The following NIT1 variants were observed in gnomAD, a reference collection of about 807,000 sequenced individuals.
NIT1 encodes nitrilase 1, also known as deaminated glutathione amidase.
In NIT1, 30 loss-of-function variants were observed where a neutral mutation model predicts 36.8. The ratio of observed to expected loss-of-function variants is 0.82; its 90% CI spans 0.61 to 1.11. The LOEUF is 1.11. Ranked by LOEUF, NIT1 falls within the 50% of genes least tolerant of loss-of-function variation. The pLI is 0.00. For synonymous variants in NIT1, 151 were observed against 155.6 expected, an observed-to-expected ratio of 0.97 and a Z score of 0.22; for missense variants, 438 against 410.6, an observed-to-expected ratio of 1.07 and a Z score of -0.58.
downstream of NIT1, chr1:161,121,920 C>A (rs1655537035): frequency 5.6e-6 from 3 of 540,340 alleles, no homozygotes; most frequent in Non-Finnish European, 9.7e-6. Flanking sequence ...GCTGTAGAGA[C>A]ACATTACGGG....
rs41270017 is a variant in NIT1, at chr1:161,118,793, T to A, written c.10T>A (p.Phe4Ile). Residue 4 changes from phenylalanine to isoleucine, a missense_variant, in exon 2 of 7, where the codon TTC becomes ATC. Physicochemically the swap from Phe to Ile is conservative, Grantham distance 21. Transcript: ENST00000368009. MLG[F>I]ITRPPHRFLS... is the part of the protein sequence containing the mutation. Reference sequence around the variant, plus strand: ...ATATCTCACCTTCCTCAGGCTGGGCTTCATCACCAGGCCTCCTCACAGATT... The same window carrying A: ...ATATCTCACCTTCCTCAGGCTGGGCATCATCACCAGGCCTCCTCACAGATT... 1.2e-6 allele frequency: 2 copies of A among 1,612,806 alleles called. No individual in the cohort carries two copies. Among genetic ancestry groups the A allele is most frequent in the Non-Finnish European group, 1.7e-6 (2 of 1,178,890 alleles).
downstream of NIT1, chr1:161,123,719 T>TA: frequency 1.2e-6 from 1 of 857,682 alleles, no homozygotes; most frequent in Non-Finnish European, 1.8e-6. Context: ...TTTTTTTTTT[T>TA]ATGGGGCAAG....
chr1:161,124,510 C>T, downstream of NIT1: 1 of 1,563,180 alleles, frequency 6.4e-7, no homozygotes, highest in Middle Eastern at 1.9e-4. Flanking sequence ...TGCTCAGCAG[C>T]TGCAATCCCC....
At chr1:161,121,448 T>C (rs1031152074), downstream of NIT1, 12 of 154,606 alleles carry the variant, frequency 7.8e-5, no homozygotes, top group South Asian at 2.0e-4. Context: ...ACCCTGTGTA[T>C]GTGTGTACAC....
rs1655428065 is a variant in NIT1, at chr1:161,120,986, G to A, written c.*221G>A. 7.1e-7 allele frequency: 1 copy of A among 1,406,856 alleles called. No individual in the cohort carries two copies. Among genetic ancestry groups the A allele is most frequent in the Non-Finnish European group, 9.2e-7 (1 of 1,083,702 alleles). 87.1% of individuals were successfully genotyped at this position (1,406,856 alleles called of 1,614,324 possible). A position where few individuals can be genotyped will look rare whatever the true frequency, so the allele number is the denominator to read the frequency against. ...TTTCAGAAAGGTGGAATTTTATATA[G>A]TCATTGTTTATTTCATGGAAACTGA... On this transcript the variant is annotated 3_prime_UTR_variant, in exon 7 of 7. Coordinates refer to ENST00000368009, the MANE Select transcript of NIT1 (RefSeq NM_005600.3).
downstream of NIT1, chr1:161,123,906 T>G (rs753218307): frequency 1.2e-6 from 2 of 1,613,942 alleles, no homozygotes; most frequent in Admixed American, 1.7e-5. Flanking sequence ...CATAGCGAAT[T>G]GATGTCTCCT....
In NIT1 at chr1:161,118,768, A is replaced by T; in HGVS notation, c.3-18A>T. On this transcript the variant is annotated intron_variant, in intron 1 of 6. Coordinates refer to ENST00000368009, the MANE Select transcript of NIT1 (RefSeq NM_005600.3). The stretch of plus-strand genomic sequence containing the variant: ...GCTTGAAGAAGGGGTTGGTGTCCTC[A>T]TATCTCACCTTCCTCAGGCTGGGCT... 1.3e-6 allele frequency: 2 copies of T among 1,589,178 alleles called. No individual in the cohort carries two copies. Among genetic ancestry groups the T allele is most frequent in the Non-Finnish European group, 1.7e-6 (2 of 1,157,398 alleles).
At chr1:161,124,369 T>C (rs1176405724), downstream of NIT1, 4 of 1,614,044 alleles carry the variant, frequency 2.5e-6, no homozygotes, top group Non-Finnish European at 2.5e-6. Flanking sequence ...GTGCCCACGA[T>C]GTCAAACATG....
At chr1:161,119,431 C>T (rs762138337) in intron 3 of NIT1, 43 bp downstream of exon 3, 10 of 1,613,212 alleles carry the variant, frequency 6.2e-6, no homozygotes, top group South Asian at 5.5e-5. Flanking sequence ...CTTTGTTGGA[C>T]AGTGTCCCTG....
At chr1:161,123,045 T>G (rs1363157086), downstream of NIT1, 1 of 1,614,224 alleles carries the variant, frequency 6.2e-7, no homozygotes, top group East Asian at 2.2e-5. Context: ...TCAAGTCTGC[T>G]CCATCTCTGG....
Position 161,118,880 on chromosome 1 carries a change from A to G in NIT1, c.97A>G (p.Arg33Gly). ...ACTCTCAGTACTTTGTGCTCAGCCCAGGTAACACGTTTTGTTGTGTCCTCA... is the reference window on the plus strand; with the variant it reads ...ACTCTCAGTACTTTGTGCTCAGCCCGGGTAACACGTTTTGTTGTGTCCTCA... The part of the protein sequence containing the change: ...PQLSVLCAQP[R>G]PRAMAISSSS... The change falls in exon 2 of 7, where the codon AGG (arginine) becomes GGG (glycine). Residue 33 changes from arginine (R) to glycine (G), a missense_variant and splice_region_variant. Coordinates refer to ENST00000368009, the MANE Select transcript of NIT1 (RefSeq NM_005600.3). The G allele has an allele frequency of 2.5e-6, 4 of 1,611,458 alleles. No homozygotes were observed. Among genetic ancestry groups the G allele is most frequent in the African/African-American group, 1.3e-5 (1 of 74,978 alleles).
chr1:161,122,599 A>G (rs575984295), downstream of NIT1: 32 of 1,530,554 alleles, frequency 2.1e-5, no homozygotes, highest in Non-Finnish European at 2.6e-5. The surrounding 1 kb of genome is among the most constrained non-coding windows in gnomAD (Gnocchi z 4.2). Flanking sequence ...TGAAAACTGA[A>G]AAGCACAACA....
At chr1:161,122,523 T>G, downstream of NIT1, 1 of 1,612,850 alleles carries the variant, frequency 6.2e-7, no homozygotes, top group Non-Finnish European at 8.5e-7. The surrounding 1 kb of genome is among the most constrained non-coding windows in gnomAD (Gnocchi z 4.2). Flanking sequence ...CAGTCTGATG[T>G]CTGTTGGAAA....
downstream of NIT1, chr1:161,123,002 G>T: frequency 1.2e-6 from 2 of 1,614,020 alleles, no homozygotes; most frequent in South Asian, 1.1e-5. Flanking sequence ...AGCATAAACT[G>T]CCCAGTGTCC....
intron 1 of NIT1, 172 bp downstream of exon 1, chr1:161,118,350 T>C (rs1043025756): frequency 3.3e-6 from 5 of 1,520,584 alleles, no homozygotes; most frequent in African/African-American, 2.7e-5. Flanking sequence ...CTTTGCCCCT[T>C]GCCCACCAGG....
downstream of NIT1, chr1:161,123,026 T>A: frequency 6.2e-7 from 1 of 1,614,252 alleles, no homozygotes. Context: ...CAGTTCTTTA[T>A]ATTCTCCTTC....
rs1484439090 is a variant in NIT1, at chr1:161,120,224, C to T, written c.709C>T (p.His237Tyr). ...TTTTGGATCCATTACAGGCCCAGCC[C>T]ACTGGGAGGTAAGATGATGCCTTTT... is the stretch of plus-strand genomic sequence containing the variant. ...SAFGSITGPA[H>Y]WEVLLRARAI... Residue 237 changes from histidine to tyrosine, a missense_variant, in exon 6 of 7, where the codon CAC becomes TAC. Transcript: ENST00000368009. 4.3e-6 allele frequency: 7 copies of T among 1,613,932 alleles called. No homozygotes were observed. Among genetic ancestry groups the T allele is most frequent in the Non-Finnish European group, 2.5e-6 (3 of 1,180,016 alleles).
chr1:161,118,588 G>T (rs1206113160), intron 1 of NIT1, 198 bp from the exon 2 acceptor site: 4 of 1,536,266 alleles, frequency 2.6e-6, no homozygotes, highest in Non-Finnish European at 3.5e-6. Context: ...CAGGCGGCGA[G>T]CAGAGCCCCT....
At chr1:161,119,437 C>A in intron 3 of NIT1, 49 bp downstream of exon 3, 1 of 1,613,510 alleles carries the variant, frequency 6.2e-7, no homozygotes. Flanking sequence ...TGGACAGTGT[C>A]CCTGGGTTGC....
Sources: allele counts gnomAD v4.1 joint callset, GRCh38; gene constraint gnomAD v4.1.1; non-coding constraint Gnocchi (gnomAD v3.1); transcripts MANE v1.5; gene names NCBI Gene and HGNC (gene_info 2026-07-23, HGNC 2026-07-21).